PHF20: variants seen among roughly 807,000 people sequenced by gnomAD.
PHF20 encodes glioma-expressed antigen 2.
PHF20 carries 23 observed loss-of-function variants against 113.5 expected under a neutral mutation model. The observed-to-expected ratio is 0.20, with a 90% CI of 0.15 to 0.29. PHF20 has a LOEUF of 0.29. Among genes scored for constraint, PHF20 ranks in the 10% least tolerant of loss-of-function variants. The pLI is 1.00. For synonymous variants in PHF20, 434 were observed against 457.3 expected (o/e 0.95, Z 0.65); for missense variants, 943 against 1,219.6 (o/e 0.77, Z 3.38).
At position 35,949,879 on chromosome 20, in the gene PHF20, C is replaced by T. The variant is rs1041708320; in HGVS notation, c.*2252C>T. ...ACCAGCCTGGCCAACAGGGTGAAAC[C>T]CCGTCTCTACTAAAAGTACAAAAAT... On this transcript the variant is annotated 3_prime_UTR_variant, in exon 18 of 18. Transcript: ENST00000374012. The T allele has an allele frequency of 6.6e-6, 1 of 152,454 alleles. No individual in the cohort carries two copies. The highest frequency in any genetic ancestry group is 1.5e-5 in the Non-Finnish European group (1 of 68,076). 9.4% of individuals were successfully genotyped at this position (152,454 alleles called of 1,614,324 possible). A position where few individuals can be genotyped will look rare whatever the true frequency, so the allele number is the denominator to read the frequency against.
Position 35,913,300 on chromosome 20 carries a change from G to C in PHF20, c.1613G>C (p.Arg538Thr), listed in dbSNP as rs758759884. 6.2e-7 allele frequency: 1 copy of C among 1,603,896 alleles called. No individual in the cohort carries two copies. Among genetic ancestry groups the C allele is most frequent in the Non-Finnish European group, 8.5e-7 (1 of 1,175,436 alleles). The change falls in exon 11 of 18, where the codon AGA (arginine) becomes ACA (threonine). Residue 538 changes from arginine to threonine, a missense_variant. Arg to Thr is a moderately conservative substitution (Grantham distance 71). This residue lies in a region of PHF20 where 592 missense variants were observed against 787.2 expected (regional missense o/e 0.75). Coordinates refer to ENST00000374012, the MANE Select transcript of PHF20 (RefSeq NM_016436.5). ...NKEKKFKEFV[R>T]VKPKKKKKKK... The stretch of plus-strand genomic sequence containing the variant: ...GAGAAGAAATTCAAGGAGTTTGTGA[G>C]AGTGAAGCCAAAGAAGAAAAAGAAA...
At chr20:35,780,303 G>A (rs2041263681) in intron 1 of PHF20, among the ~76,000 whole-genome samples, 2 of 141,848 alleles carry the variant, frequency 1.4e-5, no homozygotes, top group African/African-American at 2.7e-5. Context: ...TCAGCTCACT[G>A]CAAGCTCCGC....
chr20:35,930,576 G>A (rs918957798), intron 14 of PHF20, among the ~76,000 whole-genome samples: 1 of 152,172 alleles, frequency 6.6e-6, no homozygotes, highest in African/African-American at 2.4e-5. Flanking sequence ...GGGAGGCTGA[G>A]GTGGGAGGAT....
chr20:35,803,267 A>AG (rs1212906295), intron 2 of PHF20, among the ~76,000 whole-genome samples: 1 of 150,742 alleles, frequency 6.6e-6, no homozygotes, highest in African/African-American at 2.4e-5. Context: ...AAAAAAAAAA[A>AG]GAAAAAAGAA....
chr20:35,799,294 A>C (rs977908810), intron 1 of PHF20, among the ~76,000 whole-genome samples: 3 of 132,190 alleles, frequency 2.3e-5, no homozygotes, highest in Non-Finnish European at 4.9e-5. Context: ...CTCTCTGCAA[A>C]AAAAAAAAAA....
intron 17 of PHF20, among the ~76,000 whole-genome samples, chr20:35,946,554 C>A (rs1470106608): frequency 6.6e-6 from 1 of 151,990 alleles, no homozygotes; most frequent in Non-Finnish European, 1.5e-5. Flanking sequence ...TTATGATATA[C>A]AAATAGACCT....
At position 35,789,428 on chromosome 20, in the gene PHF20, CAAA is replaced by C. The variant is rs781511725; in HGVS notation, c.-32-12049_-32-12047del. 2.0e-4 allele frequency among the ~76,000 whole-genome samples: 18 copies of C among 90,444 alleles called. No homozygotes were observed. The South Asian group carries it at 4.9e-3, about 25-fold the overall frequency. 59.3% of individuals were successfully genotyped at this position (90,444 alleles called of 152,430 possible). A position where few individuals can be genotyped will look rare whatever the true frequency, so the allele number is the denominator to read the frequency against. Reference sequence around the variant, plus strand: ...CCTGGGTGACAGTGCAAGACTCCATCAAAAAAAAAAAAAAAACAAAAGCAGCTT... The same window carrying C: ...CCTGGGTGACAGTGCAAGACTCCATCAAAAAAAAAAAAACAAAAGCAGCTT... On this transcript the variant is annotated intron_variant, in intron 1 of 17. Coordinates refer to ENST00000374012, the MANE Select transcript of PHF20 (RefSeq NM_016436.5).
chr20:35,824,840 T>C (rs138136885), intron 2 of PHF20, among the ~76,000 whole-genome samples: 1 of 152,308 alleles, frequency 6.6e-6, no homozygotes, highest in African/African-American at 2.4e-5. Context: ...GGACATTTCA[T>C]AGATATGGAG....
intron 1 of PHF20, among the ~76,000 whole-genome samples, chr20:35,779,800 C>A (rs1326087166): frequency 6.6e-6 from 1 of 152,142 alleles, no homozygotes; most frequent in Non-Finnish European, 1.5e-5. Context: ...GGATTACAGG[C>A]GTGAGCCACT....
intron 6 of PHF20, among the ~76,000 whole-genome samples, chr20:35,865,495 GTGTTTTTTTTTT>G (rs1568673011): frequency 8.0e-6 from 1 of 124,554 alleles, no homozygotes; most frequent in Admixed American, 7.9e-5. Flanking sequence ...TTTTTAAGTT[GTGTTTTTTTTTT>G]TTTTTTTTTT....
At chr20:35,945,943 G>A (rs1168104711) in intron 17 of PHF20, among the ~76,000 whole-genome samples, 2 of 152,194 alleles carry the variant, frequency 1.3e-5, no homozygotes, top group African/African-American at 4.8e-5. Flanking sequence ...GCCAAGGCAG[G>A]TGGATCACCT....
chr20:35,901,260 C>T (rs1600903702), intron 10 of PHF20, among the ~76,000 whole-genome samples: 1 of 151,752 alleles, frequency 6.6e-6, no homozygotes, highest in South Asian at 2.1e-4. Context: ...ATTAAAAATA[C>T]AAAAATTAGC....
chr20:35,931,040 A>G (rs1232843245), intron 14 of PHF20, among the ~76,000 whole-genome samples: 1 of 152,222 alleles, frequency 6.6e-6, no homozygotes, highest in Non-Finnish European at 1.5e-5. Context: ...GAGGAAGTAC[A>G]TGCCTTATTC....
intron 2 of PHF20, among the ~76,000 whole-genome samples, chr20:35,827,740 G>A (rs960515510): frequency 3.4e-5 from 5 of 146,220 alleles, no homozygotes; most frequent in African/African-American, 1.3e-4. Context: ...CCAAGATGAC[G>A]CCACTGCGCT....
At chr20:35,930,670 C>T (rs6058370) in intron 14 of PHF20, among the ~76,000 whole-genome samples, 30,743 of 151,854 alleles carry the variant, frequency 0.2, 3,590 homozygotes, top group South Asian at 0.35. Context: ...TGAGACCCTG[C>T]CAACAAAGCA....
chr20:35,908,293 C>A (rs2055236682), intron 10 of PHF20, among the ~76,000 whole-genome samples: 1 of 152,220 alleles, frequency 6.6e-6, no homozygotes, highest in Admixed American at 6.5e-5. Flanking sequence ...TTAGCTCAGT[C>A]CTTGCTGGGC....
chr20:35,901,637 T>C (rs1371068819), intron 10 of PHF20, among the ~76,000 whole-genome samples: 1 of 152,246 alleles, frequency 6.6e-6, no homozygotes, highest in Non-Finnish European at 1.5e-5. Context: ...TCTAGGTTTC[T>C]TCTCTTGCCC....
At position 35,863,037 on chromosome 20, in the gene PHF20, A is replaced by G. The variant is rs2054245468; in HGVS notation, c.445A>G (p.Lys149Glu). ...DQNIVGNARP[K>E]ETDHKSLSSS... ...GAATATTGTGGGTAATGCTAGGCCT[A>G]AAGAAACAGATCACAAAAGTCTTTC... Residue 149 changes from lysine (K) to glutamate (E), a missense_variant, in exon 6 of 18, where the codon AAA (lysine) becomes GAA (glutamate). Transcript: ENST00000374012. 6.3e-7 allele frequency: 1 copy of G among 1,592,826 alleles called. No homozygotes were observed. The highest frequency in any genetic ancestry group is 8.5e-7 in the Non-Finnish European group (1 of 1,174,322).
chr20:35,889,228 C>A (rs973365703), intron 9 of PHF20, among the ~76,000 whole-genome samples: 1 of 151,858 alleles, frequency 6.6e-6, no homozygotes, highest in African/African-American at 2.4e-5. Context: ...GTTAGCCAGG[C>A]TAGTCTCGAA....
Sources: allele counts gnomAD v4.1 joint callset (sites outside exome capture counted in the v4.1 genomes callset), GRCh38; gene constraint gnomAD v4.1.1; regional missense constraint gnomAD v4.1.1; transcripts MANE v1.5; gene names NCBI Gene and HGNC (gene_info 2026-07-23, HGNC 2026-07-21).